INPP4B: variants seen among roughly 807,000 people sequenced by gnomAD.
The protein encoded by INPP4B is inositol polyphosphate-4-phosphatase type II B, also known as inositol polyphosphate 4-phosphatase type II.
In INPP4B, 55 loss-of-function variants were observed where a neutral mutation model predicts 122.5. The observed-to-expected ratio is 0.45, with a 90% CI of 0.36 to 0.56. The LOEUF is 0.56. Ranked by LOEUF, INPP4B falls within the 20% of genes least tolerant of loss-of-function variation. The probability of loss-of-function intolerance (pLI) is 0.00; values close to 1 mark genes in which losing one functional copy is unlikely to be tolerated. For synonymous variants in INPP4B, 403 were observed against 388.7 expected, an observed-to-expected ratio of 1.04 and a Z score of -0.43; for missense variants, 1,000 against 1,097.7, an observed-to-expected ratio of 0.91 and a Z score of 1.26.
intron 1 of INPP4B, among the ~76,000 whole-genome samples, chr4:142,747,577 T>C (rs1768950367): frequency 1.3e-5 from 2 of 152,136 alleles, no homozygotes; most frequent in African/African-American, 2.4e-5. Flanking sequence ...CACATGTATG[T>C]TTACTGTGGC....
chr4:142,675,999 C>A (rs1179262225), intron 2 of INPP4B, among the ~76,000 whole-genome samples: 1 of 152,038 alleles, frequency 6.6e-6, no homozygotes, highest in Non-Finnish European at 1.5e-5. Context: ...CTGGCCAGGG[C>A]AATCAGGCAA....
intron 23 of INPP4B, among the ~76,000 whole-genome samples, chr4:142,090,586 T>C (rs906889144): frequency 1.3e-5 from 2 of 152,178 alleles, no homozygotes; most frequent in African/African-American, 4.8e-5. Flanking sequence ...GCTTAGACTG[T>C]GTCTCCTCAA....
At chr4:142,060,694 G>A (rs1760182529) in intron 25 of INPP4B, among the ~76,000 whole-genome samples, 1 of 152,136 alleles carries the variant, frequency 6.6e-6, no homozygotes. Context: ...CAAGTTAGAA[G>A]ATTTAATTCA....
At chr4:142,802,480 G>A (rs554463560) in intron 1 of INPP4B, among the ~76,000 whole-genome samples, 2 of 152,136 alleles carry the variant, frequency 1.3e-5, no homozygotes, top group Admixed American at 6.5e-5. Flanking sequence ...CTTCCCAGAG[G>A]TCTGTGTTTG....
intron 11 of INPP4B, among the ~76,000 whole-genome samples, chr4:142,250,362 T>C (rs1411027746): frequency 3.3e-5 from 5 of 152,328 alleles, no homozygotes; most frequent in African/African-American, 4.8e-5. Flanking sequence ...ATATAAGATA[T>C]GACATTCTCT....
intron 23 of INPP4B, among the ~76,000 whole-genome samples, chr4:142,099,906 G>C (rs1466141838): frequency 1.3e-5 from 2 of 152,066 alleles, no homozygotes; most frequent in African/African-American, 4.8e-5. Flanking sequence ...AACAACATTT[G>C]AAATTTGACA....
Position 142,507,637 on chromosome 4 carries a change from G to A in INPP4B, c.-190-44911C>T, listed in dbSNP as rs140343572. 3.8e-3 allele frequency among the ~76,000 whole-genome samples: 585 copies of A among 152,078 alleles called. 4 individuals are homozygous for A. The highest frequency in any genetic ancestry group is 0.013 in the African/African-American group (544 of 41,456). On this transcript the variant is annotated intron_variant, in intron 2 of 25. Transcript: ENST00000262992. ...AATTGTTTAAAATGAATCTCAGTTTGGGAAATGCATGATCATCATTTGCTG... is the reference window on the plus strand; with the variant it reads ...AATTGTTTAAAATGAATCTCAGTTTAGGAAATGCATGATCATCATTTGCTG...
intron 3 of INPP4B, among the ~76,000 whole-genome samples, chr4:142,458,373 A>G (rs1375379315): frequency 6.6e-6 from 1 of 151,962 alleles, no homozygotes; most frequent in African/African-American, 2.4e-5. Flanking sequence ...AAATGTGTGC[A>G]TTTGTCAAAA....
At chr4:142,141,863 TA>T (rs1463400928) in intron 18 of INPP4B, among the ~76,000 whole-genome samples, 2 of 151,946 alleles carry the variant, frequency 1.3e-5, no homozygotes, top group African/African-American at 2.4e-5. Flanking sequence ...AATGTAAAAA[TA>T]AAGGAGTGTG....
intron 1 of INPP4B, among the ~76,000 whole-genome samples, chr4:142,840,617 A>G (rs189030978): frequency 1.3e-5 from 2 of 152,252 alleles, no homozygotes; most frequent in Admixed American, 6.5e-5. Context: ...CTTTAACTTT[A>G]TTAACTCACT....
intron 1 of INPP4B, among the ~76,000 whole-genome samples, chr4:142,734,217 A>G (rs1485014073): frequency 1.3e-5 from 2 of 152,228 alleles, no homozygotes; most frequent in African/African-American, 2.4e-5. Context: ...GTGAGGGCAC[A>G]GGAAGATACT....
At chr4:142,770,196 A>T (rs1772826004) in intron 1 of INPP4B, among the ~76,000 whole-genome samples, 1 of 152,206 alleles carries the variant, frequency 6.6e-6, no homozygotes, top group Non-Finnish European at 1.5e-5. Flanking sequence ...TTACAAAATC[A>T]GATCACTTCT....
chr4:142,118,420 A>G (rs1794851673), intron 21 of INPP4B, among the ~76,000 whole-genome samples: 3 of 152,188 alleles, frequency 2.0e-5, no homozygotes, highest in Admixed American at 2.0e-4. Flanking sequence ...TAACCAAAAC[A>G]GCATGGTACT....
At chr4:142,674,249 T>G (rs907594926) in intron 2 of INPP4B, among the ~76,000 whole-genome samples, 6 of 152,082 alleles carry the variant, frequency 3.9e-5, no homozygotes, top group Non-Finnish European at 8.8e-5. Flanking sequence ...TACTTTCCAA[T>G]AAACTTCCTG....
intron 2 of INPP4B, among the ~76,000 whole-genome samples, chr4:142,679,136 C>G (rs909062343): frequency 6.6e-6 from 1 of 151,866 alleles, no homozygotes; most frequent in Non-Finnish European, 1.5e-5. Context: ...CAGAAAGAAG[C>G]CATTACAACT....
intron 2 of INPP4B, among the ~76,000 whole-genome samples, chr4:142,477,522 G>C (rs1437941479): frequency 6.6e-6 from 1 of 151,154 alleles, no homozygotes; most frequent in Non-Finnish European, 1.5e-5. Context: ...AAGAATAAAG[G>C]ACCACTTACT....
intron 7 of INPP4B, among the ~76,000 whole-genome samples, chr4:142,386,677 A>G (rs1282627837): frequency 1.3e-5 from 2 of 152,214 alleles, no homozygotes; most frequent in African/African-American, 2.4e-5. Flanking sequence ...TCTGTATGCC[A>G]CGTCCCTTTT....
chr4:142,636,990 C>T (rs989375441), intron 2 of INPP4B, among the ~76,000 whole-genome samples: 2 of 152,012 alleles, frequency 1.3e-5, no homozygotes, highest in Non-Finnish European at 1.5e-5. Flanking sequence ...CACTTAAATT[C>T]TGCTAAATGG....
chr4:142,598,047 T>C (rs1276838058), intron 2 of INPP4B, among the ~76,000 whole-genome samples: 1 of 152,094 alleles, frequency 6.6e-6, no homozygotes, highest in Non-Finnish European at 1.5e-5. Context: ...AAACCAAAAT[T>C]ATGAATAATC....
Sources: allele counts gnomAD v4.1 joint callset (sites outside exome capture counted in the v4.1 genomes callset), GRCh38; gene constraint gnomAD v4.1.1; transcripts MANE v1.5; gene names NCBI Gene and HGNC (gene_info 2026-07-23, HGNC 2026-07-21).